DNAH3: variants seen among roughly 807,000 people sequenced by gnomAD.
DNAH3 encodes axonemal beta dynein heavy chain 3.
Under a neutral mutation model 432.5 loss-of-function variants are expected in DNAH3, and 332 were observed. The observed-to-expected ratio is 0.77, with a 90% CI of 0.70 to 0.84. The LOEUF (loss-of-function observed/expected upper bound fraction) is 0.84. DNAH3 is among the 40% of genes least tolerant of loss of function. DNAH3 has a pLI of 0.00. For synonymous variants in DNAH3, 1,956 were observed against 1,900.2 expected (o/e 1.03, Z -0.76); for missense variants, 4,861 against 5,114.0 (o/e 0.95, Z 1.51).
chr16:20,969,717 G>T (rs1164188286), intron 52 of DNAH3, 75 bp downstream of exon 52: 3 of 1,515,380 alleles, frequency 2.0e-6, no homozygotes, highest in South Asian at 1.1e-5. Context: ...GTCGACTTGG[G>T]GATGCAGTGG....
At chr16:20,951,979 G>A (rs1256560353) in intron 56 of DNAH3, among the ~76,000 whole-genome samples, 1 of 150,624 alleles carries the variant, frequency 6.6e-6, no homozygotes, top group East Asian at 2.0e-4. Context: ...TCCTGACCTC[G>A]TGATCCGCCT....
intron 1 of DNAH3, 130 bp downstream of exon 2, chr16:21,150,160 G>A: frequency 2.7e-6 from 1 of 373,220 alleles, no homozygotes. Flanking sequence ...AGGAGGCGGA[G>A]GTTGCAGTGA....
intron 23 of DNAH3, among the ~76,000 whole-genome samples, chr16:21,067,769 T>TGGGGGGGGGGGGG (rs2090613226): frequency 4.6e-5 from 1 of 21,680 alleles, no homozygotes; most frequent in African/African-American, 1.9e-4. Context: ...GGGGGGGGGG[T>TGGGGGGGGGGGGG]GGGGAGGGAG....
Position 21,120,248 on chromosome 16 carries a change from C to T in DNAH3, c.1699+492G>A, listed in dbSNP as rs541033677. Among the ~76,000 whole-genome samples the T allele has an allele frequency of 2.0e-4, 30 of 151,814 alleles. No individual in the cohort carries two copies. In the East Asian group the frequency reaches 3.1e-3, roughly 16 times the overall value. On this transcript the variant is annotated intron_variant, in intron 11 of 61. Transcript: ENST00000261383. ...CCTCCTGAGTAGCTAGGACTACAGACGTGTGCCACCACCCCAGCTAATTTA... is the reference window on the plus strand; with the variant it reads ...CCTCCTGAGTAGCTAGGACTACAGATGTGTGCCACCACCCCAGCTAATTTA...
At position 21,087,158 on chromosome 16, in the gene DNAH3, T is replaced by G. The variant is rs2091405594; in HGVS notation, c.2666-98A>C. ...ACTTAGAGCTGTGCCTCCTGTCGTT[T>G]GGAGATTGGAACACATACAGGCTTT... is the stretch of plus-strand genomic sequence containing the variant. On this transcript the variant is annotated intron_variant, in intron 18 of 61. Transcript: ENST00000261383. The G allele has an allele frequency of 1.8e-5, 18 of 1,017,566 alleles. No individual in the cohort carries two copies. In the South Asian group the frequency reaches 2.4e-4, roughly 14 times the overall value. The allele number at this position is 1,017,566 out of a possible 1,614,324, so 63.0% of individuals were successfully genotyped here.
intron 54 of DNAH3, among the ~76,000 whole-genome samples, chr16:20,956,315 C>T (rs1372803109): frequency 6.6e-6 from 1 of 152,188 alleles, no homozygotes; most frequent in African/African-American, 2.4e-5. Flanking sequence ...AAGTCTGATC[C>T]TACATGGCAA....
chr16:21,020,397 A>ATATAT lies in DNAH3; in HGVS notation c.5777-529_5777-528insATATA, dbSNP rs1555530020. 3.2e-3 allele frequency among the ~76,000 whole-genome samples: 109 copies of ATATAT among 34,598 alleles called. 8 individuals are homozygous for ATATAT. Among genetic ancestry groups the ATATAT allele is most frequent in the Non-Finnish European group, 4.1e-3 (90 of 21,698 alleles). 22.7% of individuals were successfully genotyped at this position (34,598 alleles called of 152,430 possible). On this transcript the variant is annotated intron_variant, in intron 40 of 61. Coordinates refer to ENST00000261383, the Ensembl canonical transcript of DNAH3. ...TCACTATATATATATATATATATATATTTTTTTTTTTTTTTTTTTTTTTGA... is the reference window on the plus strand; with the variant it reads ...TCACTATATATATATATATATATATATATATTTTTTTTTTTTTTTTTTTTTTTTGA...
intron 56 of DNAH3, among the ~76,000 whole-genome samples, chr16:20,950,123 T>C (rs1006531222): frequency 6.6e-6 from 1 of 152,152 alleles, no homozygotes; most frequent in Non-Finnish European, 1.5e-5. Flanking sequence ...GCTGGGACTA[T>C]GGGTGCAAGC....
intron 38 of DNAH3, among the ~76,000 whole-genome samples, chr16:21,025,821 C>T (rs766861392): frequency 6.6e-6 from 1 of 150,838 alleles, no homozygotes; most frequent in Non-Finnish European, 1.5e-5. Flanking sequence ...GCAACTTTTG[C>T]CTCCTGGGTT....
intron 14 of DNAH3, among the ~76,000 whole-genome samples, chr16:21,107,222 CTAAAT>C (rs1361075768): frequency 6.8e-6 from 1 of 146,476 alleles, no homozygotes; most frequent in Non-Finnish European, 1.5e-5. Flanking sequence ...AAATAGAGCA[CTAAAT>C]TAATTTTTAA....
At chr16:21,005,720 A>G (rs1425426661) in intron 41 of DNAH3, among the ~76,000 whole-genome samples, 1 of 150,458 alleles carries the variant, frequency 6.6e-6, no homozygotes, top group African/African-American at 2.5e-5. Flanking sequence ...TAGGTGCTCA[A>G]CTCTCTCAGC....
At chr16:20,959,463 A>G in intron 53 of DNAH3, 59 bp from the exon 54 acceptor site, 1 of 1,523,692 alleles carries the variant, frequency 6.6e-7, no homozygotes, top group Non-Finnish European at 9.1e-7. Flanking sequence ...CAGTAACAGA[A>G]CAGCTATATC....
intron 3 of DNAH3, among the ~76,000 whole-genome samples, chr16:21,142,993 G>A (rs2092740038): frequency 6.6e-6 from 1 of 152,244 alleles, no homozygotes; most frequent in Middle Eastern, 3.4e-3. Flanking sequence ...GATCCTCCAA[G>A]TACAAATGTA....
intron 44 of DNAH3, among the ~76,000 whole-genome samples, chr16:20,991,300 C>T (rs1177063495): frequency 6.6e-6 from 1 of 151,986 alleles, no homozygotes; most frequent in Non-Finnish European, 1.5e-5. Context: ...AGCCTCACTC[C>T]CATTGCACAG....
chr16:21,114,796 C>G (rs970111810), intron 12 of DNAH3, among the ~76,000 whole-genome samples: 1 of 152,140 alleles, frequency 6.6e-6, no homozygotes, highest in East Asian at 1.9e-4. Context: ...GTTGGTGGGA[C>G]TGTAAACTAG....
rs560572269 is a variant in DNAH3, at chr16:20,985,298, C to G, written c.7444G>C (p.Val2482Leu). The change falls in exon 48 of 62, where the codon GTG becomes CTG. Residue 2482 changes from valine (V) to leucine (L), a missense_variant. By Grantham distance (32) the Val-to-Leu change is conservative (BLOSUM62 1). Transcript: ENST00000261383. ...AGGAACACGGTGCTCTTGGTGGCCACACCGACCTGCAGTATGATCTTCTTA... is the reference window on the plus strand; with the variant it reads ...AGGAACACGGTGCTCTTGGTGGCCAGACCGACCTGCAGTATGATCTTCTTA... 13 of 1,614,216 alleles carry G rather than the reference C, an allele frequency of 8.1e-6. No individual in the cohort carries two copies. The East Asian group carries it at 2.2e-4, about 28-fold the overall frequency.
At chr16:21,134,416 G>A (rs2092613381) in exon 7 of DNAH3, 1 of 1,614,140 alleles carries the variant, frequency 6.2e-7, no homozygotes, top group African/African-American at 1.3e-5. Context: ...TCAATAAAGA[G>A]CCGTTTTCTC....
intron 35 of DNAH3, among the ~76,000 whole-genome samples, chr16:21,034,798 C>G (rs569455742): frequency 6.6e-6 from 1 of 152,316 alleles, no homozygotes; most frequent in South Asian, 2.1e-4. Context: ...GAAAGGAACA[C>G]ATGTAATTCA....
rs143823598 is a variant in DNAH3, at chr16:21,157,740, A to G, written c.117+1585T>C. ...GGAAAGTGGCTGAGAACTGTGCAACAGCAGACCAATGGTTGGGCTTATCCC... is the reference window on the plus strand; with the variant it reads ...GGAAAGTGGCTGAGAACTGTGCAACGGCAGACCAATGGTTGGGCTTATCCC... On this transcript the variant is annotated intron_variant, in intron 1 of 61. Coordinates refer to ENST00000261383, the Ensembl canonical transcript of DNAH3. Among the ~76,000 whole-genome samples the G allele has an allele frequency of 2.4e-4, 36 of 151,730 alleles. 1 individual carries two copies. In the South Asian group the frequency reaches 4.0e-3, roughly 17 times the overall value.
Sources: gnomAD v4.1 joint callset for allele counts (sites outside exome capture counted in the v4.1 genomes callset) on GRCh38, gnomAD v4.1.1 for gene constraint, MANE v1.5 for transcripts, NCBI Gene and HGNC (gene_info 2026-07-23, HGNC 2026-07-21) for gene names.